The following PAX2 variants were observed in gnomAD, a reference collection of about 807,000 sequenced individuals.
The protein encoded by PAX2 is paired box 2.
Under a neutral mutation model 41.7 loss-of-function variants are expected in PAX2, and 9 were observed. The ratio of observed to expected loss-of-function variants is 0.22; its 90% CI spans 0.13 to 0.38. The LOEUF is 0.38. Among genes scored for constraint, PAX2 ranks in the 10% least tolerant of loss-of-function variants. The pLI is 1.00. For missense variants in PAX2, 418 were observed against 531.6 expected (o/e 0.79, Z 2.10); for synonymous variants, 221 against 212.7 (o/e 1.04, Z -0.34).
At chr10:100,746,357 T>A (rs1589806402) in intron 1 of PAX2, 54 bp downstream of exon 1, 1 of 1,243,052 alleles carries the variant, frequency 8.0e-7, no homozygotes, top group Admixed American at 1.7e-5. Context: ...GTCCCAACCC[T>A]GTCCAGTCCC....
chr10:100,798,941 C>T (rs757210041), intron 5 of PAX2, among the ~76,000 whole-genome samples: 61 of 152,352 alleles, frequency 4.0e-4, no homozygotes, highest in Non-Finnish European at 7.5e-4. Context: ...GGATATTGAT[C>T]GCGTTCTGAA....
At position 100,749,644 on chromosome 10, in the gene PAX2, C is replaced by T. The variant is rs1336308101; in HGVS notation, c.44-102C>T. ...TCTCAAGCTCGGGAACATGCCCTTC[C>T]GCCCTGCCTGCTTCCTTCGCCCGTC... On this transcript the variant is annotated intron_variant, in intron 1 of 9. Transcript: ENST00000355243. The T allele has an allele frequency of 4.6e-6, 7 of 1,518,904 alleles. No homozygotes were observed. In the East Asian group the frequency reaches 9.3e-5, roughly 20 times the overall value. The allele number at this position is 1,518,904 out of a possible 1,614,324, so 94.1% of individuals were successfully genotyped here.
At chr10:100,738,437 C>T (rs1844845135) in intron 1 of PAX2, among the ~76,000 whole-genome samples, 1 of 152,158 alleles carries the variant, frequency 6.6e-6, no homozygotes, top group African/African-American at 2.4e-5. Context: ...CTCAGCCCCG[C>T]CTGGAACACA....
intron 3 of PAX2, among the ~76,000 whole-genome samples, chr10:100,765,110 G>T (rs953154588): frequency 3.3e-5 from 5 of 152,182 alleles, no homozygotes; most frequent in African/African-American, 1.2e-4. Context: ...TATTTCCATT[G>T]CTAAGGAGTA....
At chr10:100,799,488 G>A (rs1847463221) in intron 5 of PAX2, among the ~76,000 whole-genome samples, 2 of 152,220 alleles carry the variant, frequency 1.3e-5, no homozygotes, top group African/African-American at 4.8e-5. Flanking sequence ...CACAGTAAGT[G>A]CTCAGTAAAT....
At chr10:100,779,476 T>TGCTGTTGTGAC in intron 3 of PAX2, 22 bp from the exon 4 acceptor site, 1 of 1,566,446 alleles carries the variant, frequency 6.4e-7, no homozygotes, top group Non-Finnish European at 8.7e-7. Context: ...TGATGTGTGA[T>TGCTGTTGTGAC]GCTGTTGTGA....
In PAX2 at chr10:100,810,727, C is replaced by T. The variant is rs190112551; in HGVS notation, c.919+1491C>T. On this transcript the variant is annotated intron_variant, in intron 7 of 9. Coordinates refer to ENST00000355243, the MANE Select transcript of PAX2 (RefSeq NM_000278.5). ...TTCTCTAACCCCATCTGCTGCCCAG[C>T]GCTCAGGCCATAGTCTAGAAGGCAA... Among the ~76,000 whole-genome samples, 102 of 152,342 alleles carry T rather than the reference C, an allele frequency of 6.7e-4. 1 individual carries two copies. The highest frequency in any genetic ancestry group is 2.1e-3 in the African/African-American group (88 of 41,580).
At chr10:100,760,497 T>A (rs1845800404) in intron 3 of PAX2, among the ~76,000 whole-genome samples, 1 of 152,154 alleles carries the variant, frequency 6.6e-6, no homozygotes, top group Non-Finnish European at 1.5e-5. Context: ...TGAACGCTTA[T>A]GAGTAGTGTG....
Position 100,809,144 on chromosome 10 carries a change from G to T in PAX2, c.827G>T (p.Gly276Val). The change falls in exon 7 of 10, where the codon GGG (glycine) becomes GTG (valine). Residue 276 changes from glycine (G) to valine (V), a missense_variant. By Grantham distance (109) the Gly-to-Val change is moderately radical (BLOSUM62 -3). Transcript: ENST00000355243. ...TACTCCCTCCCAGCCCTGACCCCTGGGCTTGATGAAGTCAAGTCGAGTCTA... is the reference window on the plus strand; with the variant it reads ...TACTCCCTCCCAGCCCTGACCCCTGTGCTTGATGAAGTCAAGTCGAGTCTA... ...NEYSLPALTP[G>V]LDEVKSSLSA... 2 of 1,613,522 alleles carry T rather than the reference G, an allele frequency of 1.2e-6. No individual in the cohort carries two copies. The highest frequency in any genetic ancestry group is 8.5e-7 in the Non-Finnish European group (1 of 1,179,604).
intron 5 of PAX2, among the ~76,000 whole-genome samples, chr10:100,798,241 A>C (rs929940651): frequency 6.6e-6 from 1 of 150,826 alleles, no homozygotes; most frequent in Non-Finnish European, 1.5e-5. Flanking sequence ...TCAGCCTCCC[A>C]AGTAGCCTGG....
rs578255152 is a variant in PAX2 at position 100,819,524 on chromosome 10, C to T, written c.920-5124C>T. 2.6e-5 allele frequency among the ~76,000 whole-genome samples: 4 copies of T among 151,916 alleles called. No individual in the cohort carries two copies. In the East Asian group the frequency reaches 5.8e-4, roughly 22 times the overall value. ...AGCAGAGGTTGCAGTGAGCCGAGAT[C>T]GTGCCACTGCTCTCCAGCCTGGGTG... is the stretch of plus-strand genomic sequence containing the variant. On this transcript the variant is annotated intron_variant, in intron 7 of 9. Coordinates refer to ENST00000355243, the MANE Select transcript of PAX2 (RefSeq NM_000278.5).
At position 100,756,453 on chromosome 10, in the gene PAX2, C is replaced by T. The variant is rs549574049; in HGVS notation, c.410+5562C>T. On this transcript the variant is annotated intron_variant, in intron 3 of 9. Coordinates refer to ENST00000355243, the MANE Select transcript of PAX2 (RefSeq NM_000278.5). ...TCCAGTAGAAATCATACTTCAAGTA[C>T]CCAAACAACCATTCTGTTTCTCACT... is the stretch of plus-strand genomic sequence containing the variant. Among the ~76,000 whole-genome samples, 38 of 152,324 alleles carry T rather than the reference C, an allele frequency of 2.5e-4. No individual in the cohort carries two copies. In the South Asian group the frequency reaches 7.7e-3, roughly 31 times the overall value.
chr10:100,764,424 C>G (rs61871654), intron 3 of PAX2, among the ~76,000 whole-genome samples: 4,645 of 152,234 alleles, frequency 0.031, 101 homozygotes, highest in Middle Eastern at 0.095. Flanking sequence ...TTACAGGCGT[C>G]AGCCACCGTG....
Position 100,748,087 on chromosome 10 carries a change from C to T in PAX2, c.44-1659C>T. On this transcript the variant is annotated intron_variant, in intron 1 of 9. Coordinates refer to ENST00000355243, the MANE Select transcript of PAX2 (RefSeq NM_000278.5). The surrounding 1 kb of genome is among the most constrained non-coding windows in gnomAD (Gnocchi z 5.0). ...GCGCATTCCAGGCCCGACTCAGCGC[C>T]GACTCGCTGCAGTCCCCCAGCCCTG... The T allele has an allele frequency of 2.0e-6, 2 of 985,024 alleles. No individual in the cohort carries two copies. The highest frequency in any genetic ancestry group is 2.4e-6 in the Non-Finnish European group (2 of 829,872). The allele number at this position is 985,024 out of a possible 1,614,324, so 61.0% of individuals were successfully genotyped here.
intron 5 of PAX2, among the ~76,000 whole-genome samples, chr10:100,802,855 A>G (rs1390809254): frequency 6.6e-6 from 1 of 151,952 alleles, no homozygotes; most frequent in Non-Finnish European, 1.5e-5. Context: ...CATCCTAGAA[A>G]CCTAGATTAA....
chr10:100,781,706 G>A (rs1359998043), intron 5 of PAX2, among the ~76,000 whole-genome samples: 3 of 152,200 alleles, frequency 2.0e-5, no homozygotes, highest in Non-Finnish European at 4.4e-5. Flanking sequence ...AGGATGAAAG[G>A]CCAACCTACC....
chr10:100,805,567 T>C (rs1467273428), intron 5 of PAX2, among the ~76,000 whole-genome samples: 1 of 152,076 alleles, frequency 6.6e-6, no homozygotes, highest in Non-Finnish European at 1.5e-5. Flanking sequence ...TGAGAACGCC[T>C]GAGGAAAGGG....
At chr10:100,792,025 G>A (rs116888381) in intron 5 of PAX2, among the ~76,000 whole-genome samples, 42 of 152,308 alleles carry the variant, frequency 2.8e-4, no homozygotes, top group African/African-American at 8.2e-4. Context: ...CTTTTTCTTC[G>A]GATGCTGGGG....
At chr10:100,781,623 G>A (rs1399811388) in intron 5 of PAX2, among the ~76,000 whole-genome samples, 1 of 152,214 alleles carries the variant, frequency 6.6e-6, no homozygotes, top group Non-Finnish European at 1.5e-5. Context: ...CCTGTGGGAT[G>A]TCAGGAGGAG....
Sources: gnomAD v4.1 joint callset for allele counts (sites outside exome capture counted in the v4.1 genomes callset) on GRCh38, gnomAD v4.1.1 for gene constraint, Gnocchi (gnomAD v3.1) non-coding constraint, MANE v1.5 for transcripts, NCBI Gene and HGNC (gene_info 2026-07-23, HGNC 2026-07-21) for gene names.